BNIP3: variants seen among roughly 807,000 people sequenced by gnomAD.
BNIP3 encodes BCL2 interacting protein 3, also known as BCL2/adenovirus E1B 19 kDa protein-interacting protein 3.
Under a neutral mutation model 23.9 loss-of-function variants are expected in BNIP3, and 16 were observed. The ratio of observed to expected loss-of-function variants is 0.67; its 90% CI spans 0.45 to 1.01. The LOEUF (loss-of-function observed/expected upper bound fraction) is 1.01. BNIP3 is among the 50% of genes least tolerant of loss of function. The pLI is 0.00. For missense variants in BNIP3, 198 were observed against 248.7 expected (o/e 0.80, Z 1.37); for synonymous variants, 81 against 89.3 (o/e 0.91, Z 0.53).
intron 3 of BNIP3, among the ~76,000 whole-genome samples, chr10:131,971,786 A>G (rs983861475): frequency 6.6e-6 from 1 of 152,196 alleles, no homozygotes; most frequent in Non-Finnish European, 1.5e-5. Flanking sequence ...GCACCCACAC[A>G]CCCACAGCCA....
chr10:131,968,452 A>G lies in BNIP3; in HGVS notation c.*72T>C, dbSNP rs1237688653. On this transcript the variant is annotated 3_prime_UTR_variant, in exon 6 of 6. Coordinates refer to ENST00000368636, the MANE Select transcript of BNIP3 (RefSeq NM_004052.4). ...TGACGTGGCCACCCCAGGATCTAAC[A>G]GCTCTTCAGTGAGCTATGTTGCAAG... 2 of 1,280,186 alleles carry G rather than the reference A, an allele frequency of 1.6e-6. No homozygotes were observed. Among genetic ancestry groups the G allele is most frequent in the East Asian group, 2.3e-5 (1 of 43,118 alleles). 79.3% of individuals were successfully genotyped at this position (1,280,186 alleles called of 1,614,324 possible).
At chr10:131,978,423 G>C (rs2133695747) in intron 1 of BNIP3, among the ~76,000 whole-genome samples, 1 of 151,536 alleles carries the variant, frequency 6.6e-6, no homozygotes, top group Middle Eastern at 3.4e-3. Flanking sequence ...AGCTTTTCTA[G>C]GTGCCCAAAG....
rs2037017142 is a variant in BNIP3 at position 131,970,357 on chromosome 10, C to G, written c.539+281G>C. 1 of 495,656 alleles carries G rather than the reference C, an allele frequency of 2.0e-6. No homozygotes were observed. Among genetic ancestry groups the G allele is most frequent in the Non-Finnish European group, 3.6e-6 (1 of 276,166 alleles). The allele number at this position is 495,656 out of a possible 1,614,324, so 30.7% of individuals were successfully genotyped here. On this transcript the variant is annotated intron_variant, in intron 5 of 5. Coordinates refer to ENST00000368636, the MANE Select transcript of BNIP3 (RefSeq NM_004052.4). The surrounding 1 kb of genome is among the most constrained non-coding windows in gnomAD (Gnocchi z 4.1). Reference sequence around the variant, plus strand: ...TCACCTACACACAGGACAAAGAGGTCAGACCTAAGAAGCCCTGCTTTGACT... The same window carrying G: ...TCACCTACACACAGGACAAAGAGGTGAGACCTAAGAAGCCCTGCTTTGACT...
intron 1 of BNIP3, among the ~76,000 whole-genome samples, chr10:131,981,536 C>A (rs1242621576): frequency 6.6e-6 from 1 of 152,230 alleles, no homozygotes; most frequent in African/African-American, 2.4e-5. Flanking sequence ...CCAACCCCCG[C>A]CCGAGTGGCG....
chr10:131,971,507 A>G (rs1478128978), intron 3 of BNIP3: 3 of 154,388 alleles, frequency 1.9e-5, no homozygotes, highest in Non-Finnish European at 4.3e-5. Context: ...TAACAGCACG[A>G]AACATTAAAG....
rs1303637179 is a variant in BNIP3, at chr10:131,976,257, G to C, written c.47-2314C>G. ...TGGAACACAAATGCAACTTGAAGGT[G>C]TGGTGTCTCTTCTCTGATGCCACTC... On this transcript the variant is annotated intron_variant, in intron 1 of 5. Transcript: ENST00000368636. This position sits in a 1 kb window ranked among gnomAD's most constrained non-coding sequence, Gnocchi z 4.3. Among the ~76,000 whole-genome samples, 1 of 152,218 alleles carries C rather than the reference G, an allele frequency of 6.6e-6. No homozygotes were observed. The highest frequency in any genetic ancestry group is 1.9e-4 in the East Asian group (1 of 5,196).
At chr10:131,971,740 C>T (rs2037035557) in intron 3 of BNIP3, among the ~76,000 whole-genome samples, 1 of 152,240 alleles carries the variant, frequency 6.6e-6, no homozygotes, top group South Asian at 2.1e-4. Flanking sequence ...CTGGGTACAG[C>T]CCCAAGTGCC....
chr10:131,970,361 C>G lies in BNIP3; in HGVS notation c.539+277G>C. 1 of 506,624 alleles carries G rather than the reference C, an allele frequency of 2.0e-6. No individual in the cohort carries two copies. The highest frequency in any genetic ancestry group is 3.5e-6 in the Non-Finnish European group (1 of 282,634). 31.4% of individuals were successfully genotyped at this position (506,624 alleles called of 1,614,324 possible). On this transcript the variant is annotated intron_variant, in intron 5 of 5. Coordinates refer to ENST00000368636, the MANE Select transcript of BNIP3 (RefSeq NM_004052.4). This position sits in a 1 kb window ranked among gnomAD's most constrained non-coding sequence, Gnocchi z 4.1. ...CTACACACAGGACAAAGAGGTCAGA[C>G]CTAAGAAGCCCTGCTTTGACTCCGT...
intron 2 of BNIP3, 157 bp downstream of exon 2, chr10:131,973,636 T>C: frequency 1.0e-6 from 1 of 961,968 alleles, no homozygotes; most frequent in Non-Finnish European, 1.5e-6. Context: ...GCGAGGCTCC[T>C]ATATAAGGAC....
intron 3 of BNIP3, among the ~76,000 whole-genome samples, chr10:131,972,180 C>T (rs949263516): frequency 1.3e-5 from 2 of 152,172 alleles, no homozygotes; most frequent in African/African-American, 2.4e-5. Flanking sequence ...CCCAGGTACA[C>T]TTTTTCCTCT....
At chr10:131,979,033 T>G (rs530943320) in intron 1 of BNIP3, among the ~76,000 whole-genome samples, 13 of 152,340 alleles carry the variant, frequency 8.5e-5, no homozygotes, top group African/African-American at 2.9e-4. Flanking sequence ...TCCCTCCACC[T>G]TCCTGTTGCC....
chr10:131,973,761 T>C (rs781461978), intron 2 of BNIP3, 32 bp downstream of exon 2: 1 of 1,609,658 alleles, frequency 6.2e-7, no homozygotes. Context: ...ACATCGGCAC[T>C]GTAACACATA....
chr10:131,970,441 G>A lies in BNIP3; in HGVS notation c.539+197C>T. 2 of 714,264 alleles carry A rather than the reference G, an allele frequency of 2.8e-6. No individual in the cohort carries two copies. Among genetic ancestry groups the A allele is most frequent in the Non-Finnish European group, 2.3e-6 (1 of 442,620 alleles). The allele number at this position is 714,264 out of a possible 1,614,324, so 44.2% of individuals were successfully genotyped here. A position where few individuals can be genotyped will look rare whatever the true frequency, so the allele number is the denominator to read the frequency against. On this transcript the variant is annotated intron_variant, in intron 5 of 5. Coordinates refer to ENST00000368636, the MANE Select transcript of BNIP3 (RefSeq NM_004052.4). The surrounding 1 kb of genome is among the most constrained non-coding windows in gnomAD (Gnocchi z 4.1). ...TCAGGCCAGACAGCAGCACCACAGG[G>A]CGCCTGTGCTGGGGCCTTTGGGGGC...
chr10:131,981,073 A>C (rs940930372), intron 1 of BNIP3: 1 of 152,048 alleles, frequency 6.6e-6, no homozygotes, highest in African/African-American at 2.4e-5. Flanking sequence ...CCAAGGGCAC[A>C]CAGCGAGCCT....
chr10:131,981,302 T>C (rs2037116649), intron 1 of BNIP3: 1 of 178,296 alleles, frequency 5.6e-6, no homozygotes, highest in Non-Finnish European at 1.2e-5. Context: ...ACCATGGATA[T>C]AAACATTAAT....
intron 3 of BNIP3, among the ~76,000 whole-genome samples, chr10:131,972,449 G>A (rs1214871290): frequency 6.6e-6 from 1 of 152,220 alleles, no homozygotes; most frequent in Non-Finnish European, 1.5e-5. Flanking sequence ...AGCCGCTAAT[G>A]CTACACTGCT....
intron 3 of BNIP3, chr10:131,971,301 G>A (rs1326250011): frequency 9.1e-6 from 3 of 330,164 alleles, no homozygotes; most frequent in South Asian, 6.5e-5. Context: ...CGTGACATGA[G>A]GGCAAAGATG....
chr10:131,977,257 G>A (rs541083295), intron 1 of BNIP3, among the ~76,000 whole-genome samples: 3 of 152,084 alleles, frequency 2.0e-5, no homozygotes, highest in South Asian at 2.1e-4. Context: ...CAACAATAGC[G>A]AAACTCTGTG....
chr10:131,967,945 C>G lies in BNIP3; in HGVS notation c.*579G>C, dbSNP rs6557. The G allele has an allele frequency of 7.2e-5, 11 of 152,006 alleles. No individual in the cohort carries two copies. The highest frequency in any genetic ancestry group is 4.4e-5 in the Non-Finnish European group (3 of 68,032). 9.4% of individuals were successfully genotyped at this position (152,006 alleles called of 1,614,324 possible). A position where few individuals can be genotyped will look rare whatever the true frequency, so the allele number is the denominator to read the frequency against. On this transcript the variant is annotated 3_prime_UTR_variant, in exon 6 of 6. Coordinates refer to ENST00000368636, the MANE Select transcript of BNIP3 (RefSeq NM_004052.4). ...GCAAAAGCAAGAAGAGTTTAGTGTA[C>G]GAACTGTACAGCTGAGTTTGTAGCT...
Sources: gnomAD v4.1 joint callset for allele counts (sites outside exome capture counted in the v4.1 genomes callset) on GRCh38, gnomAD v4.1.1 for gene constraint, Gnocchi (gnomAD v3.1) non-coding constraint, MANE v1.5 for transcripts, NCBI Gene and HGNC (gene_info 2026-07-23, HGNC 2026-07-21) for gene names.